MGRN1: variants seen among roughly 807,000 people sequenced by gnomAD.
MGRN1 encodes the protein E3 ubiquitin-protein ligase MGRN1.
Under a neutral mutation model 69.2 loss-of-function variants are expected in MGRN1, and 29 were observed. The observed-to-expected ratio is 0.42, with a 90% CI of 0.31 to 0.57. The LOEUF (loss-of-function observed/expected upper bound fraction) is 0.57, where lower values mean the gene tolerates loss of function less well. MGRN1 is among the 20% of genes least tolerant of loss of function. The probability of loss-of-function intolerance (pLI) is 0.15; values close to 1 mark genes in which losing one functional copy is unlikely to be tolerated. For synonymous variants in MGRN1, 470 were observed against 344.2 expected (o/e 1.37, Z -4.04); for missense variants, 998 against 796.2 (o/e 1.25, Z -3.05).
chr16:4,681,063 G>C (rs936270162), intron 12 of MGRN1, among the ~76,000 whole-genome samples: 2 of 152,246 alleles, frequency 1.3e-5, no homozygotes, highest in African/African-American at 4.8e-5. Flanking sequence ...TCTTAGCCAG[G>C]GTGCCCGTTA....
At chr16:4,651,627 G>A (rs981824441) in intron 2 of MGRN1, among the ~76,000 whole-genome samples, 1 of 152,086 alleles carries the variant, frequency 6.6e-6, no homozygotes, top group Admixed American at 6.5e-5. Flanking sequence ...GAAAGGGTGG[G>A]GACTGAGGAA....
Position 4,668,187 on chromosome 16 carries a change from C to G in MGRN1, c.679-78C>G, listed in dbSNP as rs2078848064. 10 of 1,326,618 alleles carry G rather than the reference C, an allele frequency of 7.5e-6. No homozygotes were observed. In the Middle Eastern group the frequency reaches 6.4e-4, roughly 85 times the overall value. 82.2% of individuals were successfully genotyped at this position (1,326,618 alleles called of 1,614,324 possible). A position where few individuals can be genotyped will look rare whatever the true frequency, so the allele number is the denominator to read the frequency against. ...GCATGGATTGGCTGGGGCAGGGTGG[C>G]CAACCCAGGCGGCCACGCAGGGGTG... On this transcript the variant is annotated intron_variant, in intron 7 of 16. Coordinates refer to ENST00000262370, the MANE Select transcript of MGRN1 (RefSeq NM_015246.4).
intron 7 of MGRN1, among the ~76,000 whole-genome samples, chr16:4,665,667 CTTTTT>C (rs35226786): frequency 7.8e-6 from 1 of 127,590 alleles, no homozygotes; most frequent in African/African-American, 3.2e-5. Context: ...CGTGCCCGGC[CTTTTT>C]TTTTTTTTTT....
At position 4,681,737 on chromosome 16, in the gene MGRN1, G is replaced by A. The variant is rs2079186854; in HGVS notation, c.1319G>A (p.Ser440Asn). 6.2e-7 allele frequency: 1 copy of A among 1,612,652 alleles called. No homozygotes were observed. The highest frequency in any genetic ancestry group is 8.5e-7 in the Non-Finnish European group (1 of 1,179,792). The part of the protein sequence containing the change: ...LAAIDHILDS[S>N]RQKGRPQSKA... The stretch of plus-strand genomic sequence containing the variant: ...GCTATCGACCACATCCTGGACAGCA[G>A]CCGCCAGAAGGGCAGGCCGCAGAGC... The change falls in exon 13 of 17, where the codon AGC becomes AAC. Residue 440 changes from serine (S) to asparagine (N), a missense_variant. Physicochemically the swap from Ser to Asn is conservative, Grantham distance 46. Coordinates refer to ENST00000262370, the MANE Select transcript of MGRN1 (RefSeq NM_015246.4).
At chr16:4,646,515 C>T (rs910957817) in intron 1 of MGRN1, among the ~76,000 whole-genome samples, 3 of 152,108 alleles carry the variant, frequency 2.0e-5, no homozygotes, top group African/African-American at 2.4e-5. Context: ...CCCGGCATGC[C>T]GGTGCTGGGT....
Position 4,625,015 on chromosome 16 carries a change from G to A in MGRN1, c.55G>A (p.Ala19Thr). 1 of 1,558,212 alleles carries A rather than the reference G, an allele frequency of 6.4e-7. No individual in the cohort carries two copies. Among genetic ancestry groups the A allele is most frequent in the Non-Finnish European group, 8.7e-7 (1 of 1,154,776 alleles). Residue 19 changes from alanine (A) to threonine (T), a missense_variant, in exon 1 of 17, where the codon GCG becomes ACG. Transcript: ENST00000262370. The part of the protein sequence containing the change: ...IAGVEDIDIQ[A>T]NSAYRYPPKS... The stretch of plus-strand genomic sequence containing the variant: ...GGGGGTGGAGGACATCGACATCCAG[G>A]CGAACTCGGCCTATCGCTACCCTCC...
intron 10 of MGRN1, 140 bp downstream of exon 10, chr16:4,673,797 C>A: frequency 8.7e-7 from 1 of 1,146,882 alleles, no homozygotes; most frequent in Non-Finnish European, 1.2e-6. Flanking sequence ...CTGTGCTGAA[C>A]GTGGGCGTGT....
chr16:4,634,990 T>C (rs1310780521), intron 1 of MGRN1: 1 of 152,162 alleles, frequency 6.6e-6, no homozygotes, highest in Non-Finnish European at 1.5e-5. Flanking sequence ...GAACAGATGC[T>C]CTCTGTGATG....
intron 1 of MGRN1, among the ~76,000 whole-genome samples, chr16:4,641,982 C>A (rs1026780080): frequency 2.6e-5 from 4 of 152,044 alleles, no homozygotes; most frequent in Non-Finnish European, 5.9e-5. Context: ...GTTTCCAGTT[C>A]TTCCCAGTTG....
At chr16:4,653,971 C>T (rs1351824802) in intron 4 of MGRN1, among the ~76,000 whole-genome samples, 1 of 152,158 alleles carries the variant, frequency 6.6e-6, no homozygotes, top group Non-Finnish European at 1.5e-5. Flanking sequence ...AGGCTGGTCT[C>T]AATCGCTCGA....
chr16:4,682,902 C>CTGGG lies in MGRN1; in HGVS notation c.1442_1445dup (p.Ala483TrpfsTer13). The stretch of plus-strand genomic sequence containing the variant: ...CGAGGACGTGGACGCCCCTCCCCCA[C>CTGGG]TGGGTGGCGCAGAGCTGGCCCTGCG... On this transcript the variant is annotated frameshift_variant, in exon 14 of 17. Coordinates refer to ENST00000262370, the MANE Select transcript of MGRN1 (RefSeq NM_015246.4). LOFTEE classifies it high-confidence loss of function. 1.2e-6 allele frequency: 2 copies of CTGGG among 1,608,848 alleles called. No individual in the cohort carries two copies. The highest frequency in any genetic ancestry group is 2.7e-5 in the African/African-American group (2 of 74,914).
chr16:4,668,360 T>C (rs1435491774), intron 8 of MGRN1, 48 bp downstream of exon 8: 3 of 1,595,404 alleles, frequency 1.9e-6, no homozygotes, highest in South Asian at 2.2e-5. Context: ...AAGACACACA[T>C]ATACAATCAC....
At chr16:4,664,882 G>A (rs2078765170) in intron 6 of MGRN1, 107 bp downstream of exon 6, 3 of 1,457,070 alleles carry the variant, frequency 2.1e-6, no homozygotes, top group Non-Finnish European at 2.9e-6. Context: ...CAGGCATAGG[G>A]CCTTGGGCTT....
chr16:4,636,212 C>T (rs1898281514), intron 1 of MGRN1, among the ~76,000 whole-genome samples: 1 of 152,032 alleles, frequency 6.6e-6, no homozygotes, highest in Admixed American at 6.6e-5. Context: ...CCAGAGGCCC[C>T]CTATTGTCCC....
At chr16:4,642,226 G>A (rs1180545090) in intron 1 of MGRN1, among the ~76,000 whole-genome samples, 1 of 151,794 alleles carries the variant, frequency 6.6e-6, no homozygotes, top group Non-Finnish European at 1.5e-5. Flanking sequence ...TGCCTCTTGG[G>A]TTCGAGAGAT....
intron 3 of MGRN1, 112 bp from the exon 4 acceptor site, chr16:4,652,566 C>A: frequency 7.5e-7 from 1 of 1,334,370 alleles, no homozygotes; most frequent in Non-Finnish European, 1.0e-6. Context: ...ACTGGAGAAG[C>A]GGGCTGTGTC....
chr16:4,648,851 C>T lies in MGRN1; in HGVS notation c.89-1514C>T, dbSNP rs559818064. Among the ~76,000 whole-genome samples the T allele has an allele frequency of 8.5e-5, 12 of 141,142 alleles. No individual in the cohort carries two copies. In the East Asian group the frequency reaches 2.3e-3, roughly 27 times the overall value. 92.6% of individuals were successfully genotyped at this position (141,142 alleles called of 152,430 possible). A position where few individuals can be genotyped will look rare whatever the true frequency, so the allele number is the denominator to read the frequency against. ...CGGGTCCTCCTCCCGGGGCTCTTCCCGTGGTCACCCGGCTCCTCCTCTCGG... is the reference window on the plus strand; with the variant it reads ...CGGGTCCTCCTCCCGGGGCTCTTCCTGTGGTCACCCGGCTCCTCCTCTCGG... On this transcript the variant is annotated intron_variant, in intron 1 of 16. Coordinates refer to ENST00000262370, the MANE Select transcript of MGRN1 (RefSeq NM_015246.4).
chr16:4,670,263 G>A (rs2078909116), intron 8 of MGRN1, among the ~76,000 whole-genome samples: 1 of 152,024 alleles, frequency 6.6e-6, no homozygotes, highest in South Asian at 2.1e-4. Context: ...GTATTTTTGA[G>A]ATGGAGTCTC....
Position 4,681,543 on chromosome 16 carries a change from C to A in MGRN1, c.1132-7C>A. The A allele has an allele frequency of 6.2e-7, 1 of 1,609,296 alleles. No individual in the cohort carries two copies. Among genetic ancestry groups the A allele is most frequent in the Non-Finnish European group, 8.5e-7 (1 of 1,177,104 alleles). ...CATGAGCCCCCTCACGCACCCTGTC[C>A]CTACAGAACTCTGACAGCGTCCCAC... On this transcript the variant is annotated splice_region_variant and splice_polypyrimidine_tract_variant and intron_variant, in intron 12 of 16. Transcript: ENST00000262370.
Sources: gnomAD v4.1 joint callset for allele counts (sites outside exome capture counted in the v4.1 genomes callset) on GRCh38, gnomAD v4.1.1 for gene constraint, MANE v1.5 for transcripts, NCBI Gene and HGNC (gene_info 2026-07-23, HGNC 2026-07-21) for gene names.